COL5A1: variants seen among roughly 807,000 people sequenced by gnomAD.
COL5A1 encodes the protein collagen alpha-1(V) chain.
Under a neutral mutation model 263.7 loss-of-function variants are expected in COL5A1, and 16 were observed. That is an observed-to-expected ratio of 0.06 (90% confidence interval 0.04 to 0.09). The LOEUF (loss-of-function observed/expected upper bound fraction) is 0.09, where lower values mean the gene tolerates loss of function less well. COL5A1 is among the 10% of genes least tolerant of loss of function. The probability of loss-of-function intolerance (pLI) is 1.00; values close to 1 mark genes in which losing one functional copy is unlikely to be tolerated. For synonymous variants in COL5A1, 1,012 were observed against 1,004.5 expected (o/e 1.01, Z -0.14); for missense variants, 2,036 against 2,540.5 (o/e 0.80, Z 4.27).
intron 29 of COL5A1, 40 bp from the exon 30 acceptor site, chr9:134,784,949 C>CG (rs755563401): frequency 2.7e-6 from 4 of 1,458,598 alleles, no homozygotes; most frequent in Middle Eastern, 1.7e-4. Context: ...AGTGTGTGTG[C>CG]GGGGGGTGGT....
At chr9:134,692,559 C>G (rs1309089618) in intron 2 of COL5A1, among the ~76,000 whole-genome samples, 2 of 152,144 alleles carry the variant, frequency 1.3e-5, no homozygotes, top group Non-Finnish European at 2.9e-5. Context: ...TGCCGAGGAC[C>G]ACATGGACTC....
At position 134,730,356 on chromosome 9, in the gene COL5A1, C is replaced by A. The variant is rs755417576; in HGVS notation, c.1045C>A (p.Pro349Thr). Residue 349 changes from proline (P) to threonine (T), a missense_variant, in exon 7 of 66, where the codon CCC becomes ACC. Physicochemically the swap from Pro to Thr is conservative, Grantham distance 38 (BLOSUM62 -1). Around this residue, in one of 3 missense-constraint regions of COL5A1, gnomAD observed 600 missense variants for 634.5 expected, o/e 0.95. Coordinates refer to ENST00000371817, the MANE Select transcript of COL5A1 (RefSeq NM_000093.5). ...DYVPSEDYYT[P>T]SPYDDLTYGE... The stretch of plus-strand genomic sequence containing the variant: ...CGTGCCCAGTGAGGACTACTACACG[C>A]CCTCACCGTATGATGACCTCACCTA... 5 of 1,614,226 alleles carry A rather than the reference C, an allele frequency of 3.1e-6. 1 individual carries two copies. The South Asian group carries it at 3.3e-5, about 11-fold the overall frequency.
chr9:134,642,496 C>T lies in COL5A1; in HGVS notation c.109+200C>T, dbSNP rs1322089759. Among the ~76,000 whole-genome samples the T allele has an allele frequency of 6.6e-6, 1 of 151,720 alleles. No homozygotes were observed. The highest frequency in any genetic ancestry group is 1.9e-4 in the East Asian group (1 of 5,154). On this transcript the variant is annotated intron_variant, in intron 1 of 65. Transcript: ENST00000371817. The surrounding 1 kb of genome is among the most constrained non-coding windows in gnomAD (Gnocchi z 4.5). ...ACAATGCCCGCGGGCGCGCCGCCGC[C>T]CCCTCCCCAGACGGGCGGGTCGGGT...
chr9:134,657,730 C>A (rs75675845), intron 1 of COL5A1, among the ~76,000 whole-genome samples: 17,197 of 149,760 alleles, frequency 0.11, 1,221 homozygotes, highest in Admixed American at 0.16. Flanking sequence ...GATGAGTTTC[C>A]TTTGCCCGGG....
At chr9:134,823,614 C>A in intron 61 of COL5A1, 145 bp downstream of exon 61, 1 of 802,274 alleles carries the variant, frequency 1.2e-6, no homozygotes, top group Non-Finnish European at 2.0e-6. Flanking sequence ...CGCACGCAGC[C>A]GGGGAAATGA....
chr9:134,649,595 A>G, intron 1 of COL5A1: 1 of 442,238 alleles, frequency 2.3e-6, no homozygotes, highest in South Asian at 1.7e-5. Flanking sequence ...CTGTAAATAA[A>G]TGCCACAAAA....
At chr9:134,728,927 C>A in intron 6 of COL5A1, 120 bp downstream of exon 6, 4 of 1,319,418 alleles carry the variant, frequency 3.0e-6, no homozygotes, top group Admixed American at 1.9e-5. Flanking sequence ...GTGAAGGTTG[C>A]GGGGGCAGCT....
At chr9:134,673,309 A>G (rs1387244197) in intron 1 of COL5A1, among the ~76,000 whole-genome samples, 1 of 152,210 alleles carries the variant, frequency 6.6e-6, no homozygotes, top group East Asian at 1.9e-4. Context: ...GTTGACAGAA[A>G]GACATATAGA....
In COL5A1 at chr9:134,642,687, C is replaced by G. The variant is rs934193796; in HGVS notation, c.109+391C>G. ...ACAGCAGAACTTCCTCTGCTCCAAA[C>G]CGGGCAGGGCCGCCCCCTAGAGTTA... On this transcript the variant is annotated intron_variant, in intron 1 of 65. Coordinates refer to ENST00000371817, the MANE Select transcript of COL5A1 (RefSeq NM_000093.5). This position sits in a 1 kb window ranked among gnomAD's most constrained non-coding sequence, Gnocchi z 4.5. 2.6e-5 allele frequency among the ~76,000 whole-genome samples: 4 copies of G among 152,354 alleles called. No individual in the cohort carries two copies. The highest frequency in any genetic ancestry group is 3.4e-3 in the Middle Eastern group (1 of 294).
chr9:134,754,250 C>G lies in COL5A1; in HGVS notation c.1774-23C>G. 2 of 1,613,194 alleles carry G rather than the reference C, an allele frequency of 1.2e-6. No homozygotes were observed. Among genetic ancestry groups the G allele is most frequent in the Non-Finnish European group, 1.7e-6 (2 of 1,179,878 alleles). ...TGAGAAAGGCGGACTCGCCACTGAC[C>G]CTTTGTCTCTTACCCCTGGCAGGGT... On this transcript the variant is annotated intron_variant, in intron 15 of 65. Transcript: ENST00000371817. This position sits in a 1 kb window ranked among gnomAD's most constrained non-coding sequence, Gnocchi z 4.3.
intron 1 of COL5A1, among the ~76,000 whole-genome samples, chr9:134,643,115 A>G (rs968072845): frequency 5.9e-5 from 9 of 152,152 alleles, no homozygotes; most frequent in African/African-American, 2.4e-5. Flanking sequence ...GGGCGCTTCA[A>G]GGCGGGGACT....
At chr9:134,773,081 G>GGATCGGGTGCCCATGACCA (rs1250638603) in intron 26 of COL5A1, among the ~76,000 whole-genome samples, 1 of 152,224 alleles carries the variant, frequency 6.6e-6, no homozygotes, top group African/African-American at 2.4e-5. Flanking sequence ...GCCCATGACC[G>GGATCGGGTGCCCATGACCA]GATCGGGTGC....
chr9:134,807,363 G>A (rs1037088771), intron 42 of COL5A1, among the ~76,000 whole-genome samples: 2 of 152,226 alleles, frequency 1.3e-5, no homozygotes, highest in Middle Eastern at 3.4e-3. Flanking sequence ...GCGCAATCTC[G>A]GCTCACTGTG....
At chr9:134,727,046 CGGATGGATGGAT>C (rs71381829) in intron 4 of COL5A1, among the ~76,000 whole-genome samples, 17 of 103,144 alleles carry the variant, frequency 1.6e-4, no homozygotes, top group African/African-American at 4.3e-4. Flanking sequence ...GATGAGTGAA[CGGATGGATGGAT>C]GGATGGATGG....
At chr9:134,744,474 C>T (rs1004838437) in intron 11 of COL5A1, among the ~76,000 whole-genome samples, 1 of 151,896 alleles carries the variant, frequency 6.6e-6, no homozygotes, top group African/African-American at 2.4e-5. Context: ...TATACATACA[C>T]GTATGCATGC....
chr9:134,715,733 C>G (rs1429832089), intron 4 of COL5A1, among the ~76,000 whole-genome samples: 2 of 152,226 alleles, frequency 1.3e-5, no homozygotes, highest in African/African-American at 2.4e-5. Context: ...TGAGTCGACA[C>G]AGCACATGTC....
chr9:134,760,851 T>C (rs1836389004), intron 18 of COL5A1, among the ~76,000 whole-genome samples: 1 of 122,812 alleles, frequency 8.1e-6, no homozygotes, highest in African/African-American at 3.3e-5. Flanking sequence ...CATACACACA[T>C]GCACACCACC....
chr9:134,728,389 A>T (rs1834735232), intron 5 of COL5A1, among the ~76,000 whole-genome samples: 1 of 152,234 alleles, frequency 6.6e-6, no homozygotes, highest in South Asian at 2.1e-4. Context: ...TGGGTTCCAA[A>T]GGGCCAGAAG....
In COL5A1 at chr9:134,752,659, A is replaced by G. The variant is rs1352891138; in HGVS notation, c.1719+14A>G. The G allele has an allele frequency of 1.9e-6, 3 of 1,606,474 alleles. No individual in the cohort carries two copies. In the African/African-American group the frequency reaches 4.0e-5, roughly 21 times the overall value. On this transcript the variant is annotated intron_variant, in intron 14 of 65. Transcript: ENST00000371817. ...CCTGGCCCTGTGGTAAGTCATTGGC[A>G]AATCTGAGAGCTGGGCGTGGTGTGG...
Sources: allele counts gnomAD v4.1 joint callset (sites outside exome capture counted in the v4.1 genomes callset), GRCh38; gene constraint gnomAD v4.1.1; regional missense constraint gnomAD v4.1.1; non-coding constraint Gnocchi (gnomAD v3.1); transcripts MANE v1.5; gene names NCBI Gene and HGNC (gene_info 2026-07-23, HGNC 2026-07-21).